Variants in C6orf136 observed in about 807,000 individuals in gnomAD.
C6orf136 encodes the protein uncharacterized protein C6orf136.
In C6orf136, 29 loss-of-function variants were observed where a neutral mutation model predicts 44.0. That is an observed-to-expected ratio of 0.66 (90% CI 0.49 to 0.90). C6orf136 has a LOEUF of 0.90. C6orf136 is among the 40% of genes least tolerant of loss of function. The probability of loss-of-function intolerance (pLI) is 0.00; values close to 1 mark genes in which losing one functional copy is unlikely to be tolerated. For synonymous variants in C6orf136, 293 were observed against 278.6 expected (o/e 1.05, Z -0.52); for missense variants, 628 against 669.3 (o/e 0.94, Z 0.68).
chr6:30,652,701 G>C lies in C6orf136; in HGVS notation c.1361G>C (p.Arg454Pro), dbSNP rs1342203506. ...FYLNSSGLIC[R>P]HRLDKLMPSH... ...CTGAATTCCAGTGGCCTCATTTGTC[G>C]CCATCGTCTAGATAAAGTGAGTCCT... is the stretch of plus-strand genomic sequence containing the variant. Residue 454 changes from arginine to proline, a missense_variant, in exon 5 of 6, where the codon CGC (arginine) becomes CCC (proline). This residue lies in a region of C6orf136 where 131 missense variants were observed against 200.1 expected (regional missense o/e 0.65). Transcript: ENST00000651131. 6.2e-7 allele frequency: 1 copy of C among 1,612,964 alleles called. No homozygotes were observed. Among genetic ancestry groups the C allele is most frequent in the South Asian group, 1.1e-5 (1 of 91,076 alleles).
chr6:30,651,466 G>C lies in C6orf136; in HGVS notation c.1307G>C (p.Arg436Pro), dbSNP rs765281708. 1 of 1,606,136 alleles carries C rather than the reference G, an allele frequency of 6.2e-7. No homozygotes were observed. The highest frequency in any genetic ancestry group is 8.5e-7 in the Non-Finnish European group (1 of 1,179,806). ...AAGCGTGACAAAGACGAGCATTACC[G>C]GTAAGAGAGAAATGAGAAAGGACCC... Reference protein sequence around the residue: ...FYKRDKDEHYRTYDAYSTFYL... With the variant: ...FYKRDKDEHYPTYDAYSTFYL... Residue 436 changes from arginine to proline, a missense_variant and splice_region_variant, in exon 4 of 6, where the codon CGG becomes CCG. Transcript: ENST00000651131.
Position 30,651,420 on chromosome 6 carries a change from T to C in C6orf136, c.1261T>C (p.Leu421=). Residue 421 remains leucine, a synonymous_variant, in exon 4 of 6, where the codon TTG becomes CTG. Transcript: ENST00000651131. ...GCGGCTTGTGGGGCTGCCCGTCCAC[T>C]TGCTCTTTTTGCGGTTCTACAAGCG... is the stretch of plus-strand genomic sequence containing the variant. The part of the protein sequence containing the change: ...RWRLVGLPVH[L]LFLRFYKRDK... The C allele has an allele frequency of 1.9e-6, 3 of 1,612,472 alleles. No individual in the cohort carries two copies. The highest frequency in any genetic ancestry group is 2.5e-6 in the Non-Finnish European group (3 of 1,180,034).
intron 1 of C6orf136, among the ~76,000 whole-genome samples, chr6:30,648,438 A>G (rs1561950036): frequency 1.4e-5 from 2 of 145,766 alleles, no homozygotes; most frequent in Non-Finnish European, 3.0e-5. Flanking sequence ...TTGCTCCGTC[A>G]CCCAGGCTGA....
Position 30,649,866 on chromosome 6 carries a change from C to G in C6orf136, c.924C>G (p.Val308=). ...CTGGGGCTTGGATACCTTTCCAAGT[C>G]CCTGGAACTGCCCACCCTTCCCCTG... The part of the protein sequence containing the change: ...PYPGAWIPFQ[V]PGTAHPSPAT... The change falls in exon 2 of 6, where the codon GTC becomes GTG. Residue 308 remains valine, a synonymous_variant. Transcript: ENST00000651131. 1 of 1,614,014 alleles carries G rather than the reference C, an allele frequency of 6.2e-7. No individual in the cohort carries two copies. Among genetic ancestry groups the G allele is most frequent in the Non-Finnish European group, 8.5e-7 (1 of 1,179,958 alleles).
In C6orf136 at chr6:30,649,829, C is replaced by T. The variant is rs767954587; in HGVS notation, c.887C>T (p.Pro296Leu). The change falls in exon 2 of 6, where the codon CCC (proline) becomes CTC (leucine). Residue 296 changes from proline to leucine, a missense_variant. This residue lies in a region of C6orf136 where 497 missense variants were observed against 469.2 expected (regional missense o/e 1.06). Transcript: ENST00000651131. Reference protein sequence around the residue: ...DGLRSLFEGPPCPYPGAWIPF... With the variant: ...DGLRSLFEGPLCPYPGAWIPF... ...CTTAGAAGCCTTTTTGAGGGACCTC[C>T]CTGCCCCTATCCTGGGGCTTGGATA... 2 of 1,614,122 alleles carry T rather than the reference C, an allele frequency of 1.2e-6. No individual in the cohort carries two copies. Among genetic ancestry groups the T allele is most frequent in the Admixed American group, 1.7e-5 (1 of 60,010 alleles).
rs61606469 is a variant in C6orf136 at position 30,647,485 on chromosome 6, G to T, written c.254G>T (p.Cys85Phe). The T allele has an allele frequency of 3.3e-5, 49 of 1,490,790 alleles. 1 individual carries two copies. The highest frequency in any genetic ancestry group is 2.8e-4 in the East Asian group (11 of 39,674). 92.3% of individuals were successfully genotyped at this position (1,490,790 alleles called of 1,614,324 possible). A position where few individuals can be genotyped will look rare whatever the true frequency, so the allele number is the denominator to read the frequency against. ...LGVAGAGGRR[C>F]RACRARTSVL... is the part of the protein sequence containing the mutation. ...GTCGCGGGAGCGGGAGGGAGGCGCTGCCGGGCCTGTCGCGCAAGGACGTCG... is the reference window on the plus strand; with the variant it reads ...GTCGCGGGAGCGGGAGGGAGGCGCTTCCGGGCCTGTCGCGCAAGGACGTCG... Residue 85 changes from cysteine (C) to phenylalanine (F), a missense_variant, in exon 1 of 6, where the codon TGC becomes TTC. Physicochemically the swap from Cys to Phe is radical, Grantham distance 205 (BLOSUM62 -2). Around this residue, in one of 2 missense-constraint regions of C6orf136, gnomAD observed 497 missense variants for 469.2 expected, o/e 1.06. Transcript: ENST00000651131. The surrounding 1 kb of genome is among the most constrained non-coding windows in gnomAD (Gnocchi z 4.8).
rs1457830222 is a variant in C6orf136, at chr6:30,649,601, C to A, written c.659C>A (p.Pro220His). ...PGTLPFPPLW[P>H]HSTTTTSPSS... The stretch of plus-strand genomic sequence containing the variant: ...ACTCTACCATTCCCACCCCTTTGGC[C>A]CCACTCCACGACAACCACTTCCCCA... The change falls in exon 2 of 6, where the codon CCC becomes CAC. Residue 220 changes from proline (P) to histidine (H), a missense_variant. Transcript: ENST00000651131. 3 of 1,595,462 alleles carry A rather than the reference C, an allele frequency of 1.9e-6. No individual in the cohort carries two copies. The highest frequency in any genetic ancestry group is 2.6e-6 in the Non-Finnish European group (3 of 1,175,278).
At position 30,649,960 on chromosome 6, in the gene C6orf136, G is replaced by A; in HGVS notation, c.1017+1G>A. On this transcript the variant is annotated splice_donor_variant, in intron 2 of 5. Coordinates refer to ENST00000651131, the MANE Select transcript of C6orf136 (RefSeq NM_001161376.2). LOFTEE classifies it high-confidence loss of function. ...CATGTATGAGAGACTGAGACAAGAG[G>A]TAAGTCAGTGCAAAAGTGGCCTTCG... 1 of 1,612,090 alleles carries A rather than the reference G, an allele frequency of 6.2e-7. No homozygotes were observed. The highest frequency in any genetic ancestry group is 2.2e-5 in the East Asian group (1 of 44,884).
In C6orf136 at chr6:30,647,980, G is replaced by T; in HGVS notation, c.615+134G>T. On this transcript the variant is annotated intron_variant, in intron 1 of 5. Coordinates refer to ENST00000651131, the MANE Select transcript of C6orf136 (RefSeq NM_001161376.2). This position sits in a 1 kb window ranked among gnomAD's most constrained non-coding sequence, Gnocchi z 4.8. ...AGTTTCAACGTCGGTAAACCCAGGA[G>T]AGTGAAGGCCAGCCTTTAACTGTCT... 1 of 1,312,896 alleles carries T rather than the reference G, an allele frequency of 7.6e-7. No homozygotes were observed. Among genetic ancestry groups the T allele is most frequent in the Non-Finnish European group, 1.0e-6 (1 of 998,744 alleles). The allele number at this position is 1,312,896 out of a possible 1,614,324, so 81.3% of individuals were successfully genotyped here.
At chr6:30,652,595 C>A in intron 4 of C6orf136, 53 bp from the exon 5 acceptor site, 1 of 1,521,384 alleles carries the variant, frequency 6.6e-7, no homozygotes, top group Non-Finnish European at 9.1e-7. Context: ...TGCTTGAATT[C>A]AGCTTTGGGA....
chr6:30,650,253 G>T (rs1020468887), intron 2 of C6orf136, among the ~76,000 whole-genome samples: 2 of 151,638 alleles, frequency 1.3e-5, no homozygotes, highest in African/African-American at 4.8e-5. Context: ...AATCAGCCAG[G>T]CATGGTGGCA....
chr6:30,652,239 TCACA>T (rs5875269), intron 4 of C6orf136, among the ~76,000 whole-genome samples: 2,899 of 142,638 alleles, frequency 0.02, 79 homozygotes, highest in East Asian at 0.12. Flanking sequence ...TGAAACCCTG[TCACA>T]CACACACACA....
intron 4 of C6orf136, 124 bp from the exon 5 acceptor site, chr6:30,652,524 T>G: frequency 1.2e-6 from 1 of 844,710 alleles, no homozygotes; most frequent in South Asian, 1.4e-5. Flanking sequence ...ACTGAGATGT[T>G]TGTAAGTTGC....
intron 4 of C6orf136, 31 bp from the exon 5 acceptor site, chr6:30,652,617 C>T: frequency 6.3e-7 from 1 of 1,596,266 alleles, no homozygotes; most frequent in East Asian, 2.2e-5. Flanking sequence ...CAGTCACCTT[C>T]TCCCTCAGTA....
chr6:30,647,638 G>T lies in C6orf136; in HGVS notation c.407G>T (p.Arg136Leu). The T allele has an allele frequency of 6.5e-7, 1 of 1,549,930 alleles. No individual in the cohort carries two copies. Among genetic ancestry groups the T allele is most frequent in the Non-Finnish European group, 8.7e-7 (1 of 1,146,538 alleles). ...GDLKGRGREI[R>L]SPAAAPSRSS... Reference sequence around the variant, plus strand: ...TTGAAGGGCAGGGGCCGAGAGATTCGTAGCCCTGCTGCGGCGCCGTCCCGG... The same window carrying T: ...TTGAAGGGCAGGGGCCGAGAGATTCTTAGCCCTGCTGCGGCGCCGTCCCGG... The change falls in exon 1 of 6, where the codon CGT becomes CTT. Residue 136 changes from arginine to leucine, a missense_variant. Around this residue, in one of 2 missense-constraint regions of C6orf136, gnomAD observed 497 missense variants for 469.2 expected, o/e 1.06. Coordinates refer to ENST00000651131, the MANE Select transcript of C6orf136 (RefSeq NM_001161376.2). This position sits in a 1 kb window ranked among gnomAD's most constrained non-coding sequence, Gnocchi z 4.8.
chr6:30,650,559 C>T (rs570881749), intron 2 of C6orf136, among the ~76,000 whole-genome samples: 46 of 151,316 alleles, frequency 3.0e-4, no homozygotes, highest in Non-Finnish European at 5.6e-4. Flanking sequence ...CCGAGGCAGG[C>T]GGATCACAAG....
chr6:30,652,078 C>CA (rs1294759781), intron 4 of C6orf136, among the ~76,000 whole-genome samples: 2 of 151,520 alleles, frequency 1.3e-5, no homozygotes, highest in Non-Finnish European at 2.9e-5. Context: ...TGGTAAAACC[C>CA]AAAAAAATAC....
Position 30,649,838 on chromosome 6 carries a change from A to G in C6orf136, c.896A>G (p.Tyr299Cys), listed in dbSNP as rs760677697. ...RSLFEGPPCP[Y>C]PGAWIPFQVP... Reference sequence around the variant, plus strand: ...CTTTTTGAGGGACCTCCCTGCCCCTATCCTGGGGCTTGGATACCTTTCCAA... The same window carrying G: ...CTTTTTGAGGGACCTCCCTGCCCCTGTCCTGGGGCTTGGATACCTTTCCAA... The change falls in exon 2 of 6, where the codon TAT (tyrosine) becomes TGT (cysteine). Residue 299 changes from tyrosine (Y) to cysteine (C), a missense_variant. Tyr to Cys is a radical substitution (Grantham distance 194). Around this residue, in one of 2 missense-constraint regions of C6orf136, gnomAD observed 497 missense variants for 469.2 expected, o/e 1.06. Coordinates refer to ENST00000651131, the MANE Select transcript of C6orf136 (RefSeq NM_001161376.2). The G allele has an allele frequency of 1.9e-6, 3 of 1,613,814 alleles. No homozygotes were observed. The highest frequency in any genetic ancestry group is 3.3e-5 in the Admixed American group (2 of 59,966).
rs775316855 is a variant in C6orf136, at chr6:30,647,417, G to T, written c.186G>T (p.Pro62=). The T allele has an allele frequency of 2.7e-6, 4 of 1,467,448 alleles. No homozygotes were observed. In the African/African-American group the frequency reaches 5.8e-5, roughly 21 times the overall value. The allele number at this position is 1,467,448 out of a possible 1,614,324, so 90.9% of individuals were successfully genotyped here. A position where few individuals can be genotyped will look rare whatever the true frequency, so the allele number is the denominator to read the frequency against. The part of the protein sequence containing the change: ...LGSAQAQRHP[P]PLPTCALQRV... ...CCGCGCAGGCGCAGAGACACCCGCC[G>T]CCCCTTCCCACCTGTGCCCTGCAGC... The change falls in exon 1 of 6, where the codon CCG becomes CCT. Residue 62 remains proline, a synonymous_variant. Transcript: ENST00000651131. This position sits in a 1 kb window ranked among gnomAD's most constrained non-coding sequence, Gnocchi z 4.8.
Sources: allele counts gnomAD v4.1 joint callset (sites outside exome capture counted in the v4.1 genomes callset), GRCh38; gene constraint gnomAD v4.1.1; regional missense constraint gnomAD v4.1.1; non-coding constraint Gnocchi (gnomAD v3.1); transcripts MANE v1.5; gene names NCBI Gene and HGNC (gene_info 2026-07-23, HGNC 2026-07-21).